Variants in TENM3 observed in about 807,000 individuals in gnomAD.
TENM3 encodes the protein teneurin-3.
TENM3 carries 63 observed loss-of-function variants against 255.1 expected under a neutral mutation model. The observed-to-expected ratio is 0.25, with a 90% CI of 0.20 to 0.30. The LOEUF (loss-of-function observed/expected upper bound fraction) is 0.30. Among genes scored for constraint, TENM3 ranks in the 10% least tolerant of loss-of-function variants. The pLI, the probability that TENM3 is intolerant of heterozygous loss-of-function variation, is 1.00. For synonymous variants in TENM3, 1,306 were observed against 1,322.3 expected (o/e 0.99, Z 0.27); for missense variants, 2,929 against 3,461.1 (o/e 0.85, Z 3.86).
At chr4:181,556,873 A>C in the TENM3 span, among the ~76,000 whole-genome samples, 1 of 152,196 alleles carries the variant, frequency 6.6e-6, no homozygotes, top group African/African-American at 2.4e-5. Context: ...ATAGTATACC[A>C]AATTCAGCGT....
intron 12 of TENM3, among the ~76,000 whole-genome samples, chr4:182,705,460 T>A (rs1289855144): frequency 2.0e-5 from 3 of 152,226 alleles, no homozygotes; most frequent in Non-Finnish European, 4.4e-5. Flanking sequence ...TATACGGTAC[T>A]ATTTAATATG....
chr4:181,785,145 G>C, the TENM3 span, among the ~76,000 whole-genome samples: 194 of 152,274 alleles, frequency 1.3e-3, 2 homozygotes, highest in African/African-American at 4.4e-3. Flanking sequence ...AGGCACATGT[G>C]TGAAGTTGGA....
At chr4:181,545,334 T>G in the TENM3 span, among the ~76,000 whole-genome samples, 2 of 152,220 alleles carry the variant, frequency 1.3e-5, no homozygotes, top group African/African-American at 4.8e-5. Context: ...TTGAAACACT[T>G]TTACTAGTCC....
At chr4:182,039,912 G>C in the TENM3 span, among the ~76,000 whole-genome samples, 834 of 144,008 alleles carry the variant, frequency 5.8e-3, 7 homozygotes, top group African/African-American at 0.021. Context: ...GAGGAGACGA[G>C]GAGGGGACAG....
At chr4:182,263,594 C>T (rs991378400) in intron 1 of TENM3, among the ~76,000 whole-genome samples, 8 of 89,564 alleles carry the variant, frequency 8.9e-5, no homozygotes, top group South Asian at 5.4e-4. Context: ...TGGGCAATTC[C>T]CCCCCCTACC....
chr4:181,920,577 GTTGT>G, the TENM3 span, among the ~76,000 whole-genome samples: 3 of 152,122 alleles, frequency 2.0e-5, no homozygotes, highest in Admixed American at 6.5e-5. Flanking sequence ...TTTTAATGGG[GTTGT>G]TTGTTTTTTT....
At chr4:182,312,163 C>T (rs1385344017) in intron 1 of TENM3, among the ~76,000 whole-genome samples, 1 of 152,146 alleles carries the variant, frequency 6.6e-6, no homozygotes, top group East Asian at 1.9e-4. Context: ...TTTAGAAATG[C>T]AATGTGTAAA....
At chr4:182,322,417 G>C (rs971644286) in intron 1 of TENM3, among the ~76,000 whole-genome samples, 8 of 152,176 alleles carry the variant, frequency 5.3e-5, no homozygotes, top group Admixed American at 5.2e-4. Context: ...ATAGCAGGGA[G>C]GAACACTCCA....
At chr4:182,145,980 C>A (rs1749937755) in intron 1 of TENM3, among the ~76,000 whole-genome samples, 1 of 152,074 alleles carries the variant, frequency 6.6e-6, no homozygotes, top group Non-Finnish European at 1.5e-5. Flanking sequence ...AAGAGTATCC[C>A]AAAAGATGGT....
At chr4:182,430,954 G>T (rs577501980) in intron 3 of TENM3, among the ~76,000 whole-genome samples, 1 of 152,102 alleles carries the variant, frequency 6.6e-6, no homozygotes, top group African/African-American at 2.4e-5. Flanking sequence ...GGAGATTGCA[G>T]TGAGCCGAGA....
intron 7 of TENM3, among the ~76,000 whole-genome samples, chr4:182,676,555 G>GT (rs1755676975): frequency 6.6e-6 from 1 of 152,228 alleles, no homozygotes; most frequent in Admixed American, 6.5e-5. Flanking sequence ...TAAGGACACA[G>GT]TTAAGTATTC....
At chr4:182,647,917 A>C (rs773546841) in intron 5 of TENM3, among the ~76,000 whole-genome samples, 3 of 152,176 alleles carry the variant, frequency 2.0e-5, no homozygotes, top group African/African-American at 7.2e-5. Flanking sequence ...AACAAAAATC[A>C]ATTTGGGAGG....
At chr4:181,572,102 T>C in the TENM3 span, among the ~76,000 whole-genome samples, 4 of 152,214 alleles carry the variant, frequency 2.6e-5, no homozygotes, top group Non-Finnish European at 5.9e-5. Context: ...TGATAAAATA[T>C]GAAATTAAAC....
the TENM3 span, among the ~76,000 whole-genome samples, chr4:181,819,586 T>C: frequency 6.6e-6 from 1 of 152,154 alleles, no homozygotes; most frequent in South Asian, 2.1e-4. Context: ...ACTGGTTTCA[T>C]GGAAGACAAT....
rs376085020 is a variant in TENM3, at chr4:182,275,952, ATCAG to A, written c.-76+32480_-76+32483del. Among the ~76,000 whole-genome samples the A allele has an allele frequency of 4.2e-3, 642 of 152,300 alleles. 3 individuals carry two copies. Among genetic ancestry groups the A allele is most frequent in the African/African-American group, 0.015 (621 of 41,566 alleles). On this transcript the variant is annotated intron_variant, in intron 1 of 27. Coordinates refer to ENST00000511685, the MANE Select transcript of TENM3 (RefSeq NM_001080477.4). ...AAGACCTGATCTCTTTTAAAAAATT[ATCAG>A]TCAATCAATCAAAAAAAATTTTTTT...
chr4:182,463,047 G>T (rs529668604), intron 3 of TENM3, among the ~76,000 whole-genome samples: 2 of 152,180 alleles, frequency 1.3e-5, no homozygotes, highest in African/African-American at 4.8e-5. Context: ...CCCTCCCCGT[G>T]TGCAGGTTCT....
At chr4:182,778,317 T>A (rs1440180363) in intron 24 of TENM3, among the ~76,000 whole-genome samples, 1 of 152,230 alleles carries the variant, frequency 6.6e-6, no homozygotes, top group Non-Finnish European at 1.5e-5. Context: ...GCCAAACGTG[T>A]GTTTAAAGGC....
chr4:182,713,289 G>C (rs1414374842), intron 12 of TENM3, among the ~76,000 whole-genome samples: 1 of 152,148 alleles, frequency 6.6e-6, no homozygotes, highest in Non-Finnish European at 1.5e-5. Context: ...GTTTTATTGT[G>C]GTCCTTATGG....
chr4:182,075,521 C>T, the TENM3 span, among the ~76,000 whole-genome samples: 5 of 152,132 alleles, frequency 3.3e-5, no homozygotes, highest in Admixed American at 3.3e-4. Context: ...TAATAATCTT[C>T]AAACACCTTG....
Sources: gnomAD v4.1 joint callset for allele counts (sites outside exome capture counted in the v4.1 genomes callset) on GRCh38, gnomAD v4.1.1 for gene constraint, MANE v1.5 for transcripts, NCBI Gene and HGNC (gene_info 2026-07-23, HGNC 2026-07-21) for gene names.